DPP6: variants seen among roughly 807,000 people sequenced by gnomAD.
DPP6 encodes the protein dipeptidyl peptidase like 6, also known as A-type potassium channel modulatory protein DPP6.
Under a neutral mutation model 122.6 loss-of-function variants are expected in DPP6, and 69 were observed. The observed-to-expected ratio is 0.56, with a 90% CI of 0.46 to 0.69. DPP6 has a LOEUF of 0.69. Among genes scored for constraint, DPP6 ranks in the 30% least tolerant of loss-of-function variants. The pLI, the probability that DPP6 is intolerant of heterozygous loss-of-function variation, is 0.00. For missense variants in DPP6, 928 were observed against 1,116.9 expected, an observed-to-expected ratio of 0.83 and a Z score of 2.41; for synonymous variants, 418 against 433.1, an observed-to-expected ratio of 0.97 and a Z score of 0.43.
intron 1 of DPP6, chr7:154,059,172 TA>T (rs1325521242): frequency 2.1e-5 from 3 of 146,332 alleles, no homozygotes; most frequent in African/African-American, 7.9e-5. Flanking sequence ...CCCTGGCTGT[TA>T]ATACCCCCAT....
intron 5 of DPP6, among the ~76,000 whole-genome samples, chr7:154,579,453 G>A (rs1831900669): frequency 6.6e-6 from 1 of 152,246 alleles, no homozygotes; most frequent in Admixed American, 6.5e-5. Context: ...TAGGTATCTA[G>A]CTCTGATTAA....
intron 1 of DPP6, among the ~76,000 whole-genome samples, chr7:154,319,812 G>A (rs571865965): frequency 1.1e-4 from 17 of 151,416 alleles, no homozygotes; most frequent in African/African-American, 3.6e-4. Context: ...CCAACATGGC[G>A]AAACCCTGTC....
chr7:153,889,939 G>C (rs942321305), intron 1 of DPP6, among the ~76,000 whole-genome samples: 2 of 152,192 alleles, frequency 1.3e-5, no homozygotes, highest in African/African-American at 4.8e-5. Context: ...GGAAATCCAC[G>C]TGGCTTCAGT....
intron 3 of DPP6, among the ~76,000 whole-genome samples, chr7:154,479,557 CAAA>C (rs35103324): frequency 8.8e-5 from 8 of 91,236 alleles, no homozygotes; most frequent in African/African-American, 2.7e-4. Context: ...GACTCCATCT[CAAA>C]AAAAAAAAAA....
chr7:154,382,614 C>T (rs989405656), intron 1 of DPP6, among the ~76,000 whole-genome samples: 5 of 152,260 alleles, frequency 3.3e-5, no homozygotes, highest in Non-Finnish European at 7.3e-5. Flanking sequence ...CAGCGCTCTT[C>T]ATGTGTTTTT....
At chr7:154,007,029 A>G (rs1462863940) in intron 1 of DPP6, among the ~76,000 whole-genome samples, 1 of 152,224 alleles carries the variant, frequency 6.6e-6, no homozygotes, top group African/African-American at 2.4e-5. Flanking sequence ...GGCTGTGTAC[A>G]GAGCCTGGTC....
intron 1 of DPP6, among the ~76,000 whole-genome samples, chr7:154,179,233 C>G (rs1797958318): frequency 6.6e-6 from 1 of 152,160 alleles, no homozygotes; most frequent in African/African-American, 2.4e-5. Context: ...CATTCAAATT[C>G]TAGTTGCTCT....
intron 1 of DPP6, among the ~76,000 whole-genome samples, chr7:153,959,439 G>T (rs2129027407): frequency 6.6e-6 from 1 of 152,330 alleles, no homozygotes; most frequent in East Asian, 1.9e-4. Context: ...TTCTTGAGAT[G>T]ATAAAGGAGA....
the DPP6 span, among the ~76,000 whole-genome samples, chr7:153,853,847 TA>T: frequency 6.6e-6 from 1 of 151,780 alleles, no homozygotes; most frequent in Non-Finnish European, 1.5e-5. Context: ...CTCTTTAGTT[TA>T]ATTAGATCCC....
intron 7 of DPP6, among the ~76,000 whole-genome samples, chr7:154,684,245 T>C (rs1486948671): frequency 1.3e-5 from 2 of 151,920 alleles, no homozygotes; most frequent in Non-Finnish European, 2.9e-5. Flanking sequence ...CCCTCTGCTC[T>C]GTCCCCTGCC....
At chr7:154,717,316 C>A (rs6952242) in intron 7 of DPP6, among the ~76,000 whole-genome samples, 3,683 of 152,066 alleles carry the variant, frequency 0.024, 176 homozygotes, top group African/African-American at 0.084. Flanking sequence ...ATGGAATACT[C>A]GGACTTATTC....
the DPP6 span, among the ~76,000 whole-genome samples, chr7:153,841,259 T>C: frequency 6.6e-6 from 1 of 152,204 alleles, no homozygotes; most frequent in Non-Finnish European, 1.5e-5. Flanking sequence ...CAAAGATGCA[T>C]TGTCGTTTTG....
At chr7:154,459,886 T>G (rs1395356696) in intron 2 of DPP6, among the ~76,000 whole-genome samples, 1 of 151,304 alleles carries the variant, frequency 6.6e-6, no homozygotes, top group Admixed American at 6.6e-5. Flanking sequence ...TATAATTATT[T>G]TCTCATACTG....
chr7:154,013,215 C>T (rs759991343), intron 1 of DPP6, among the ~76,000 whole-genome samples: 1 of 152,184 alleles, frequency 6.6e-6, no homozygotes, highest in African/African-American at 2.4e-5. Flanking sequence ...AAAACACTTG[C>T]TTTATATATT....
intron 1 of DPP6, among the ~76,000 whole-genome samples, chr7:154,150,485 T>C (rs1796356855): frequency 6.6e-6 from 1 of 152,192 alleles, no homozygotes; most frequent in Non-Finnish European, 1.5e-5. Flanking sequence ...TTGTTTGCTG[T>C]GTGAGATTGC....
chr7:154,827,937 G>A (rs1800307724), intron 16 of DPP6, among the ~76,000 whole-genome samples: 1 of 152,180 alleles, frequency 6.6e-6, no homozygotes, highest in East Asian at 1.9e-4. Context: ...TCCCTGTTGG[G>A]GATGGAAGTC....
chr7:154,575,444 G>GTA (rs1831559810), intron 5 of DPP6, among the ~76,000 whole-genome samples: 1 of 117,680 alleles, frequency 8.5e-6, no homozygotes, highest in African/African-American at 3.5e-5. Context: ...TGTGTGTGGT[G>GTA]TGTGTATGTG....
rs1806747150 is a variant in DPP6, at chr7:154,892,912, C to G, written c.*432C>G. The stretch of plus-strand genomic sequence containing the variant: ...TCACACCCTGTCTCACGTCGCAGTG[C>G]CATGGACGCAGCAGTTACAGCACCA... On this transcript the variant is annotated 3_prime_UTR_variant, in exon 26 of 26. Transcript: ENST00000377770. 1.9e-6 allele frequency: 1 copy of G among 524,000 alleles called. No homozygotes were observed. The highest frequency in any genetic ancestry group is 3.8e-6 in the Non-Finnish European group (1 of 263,490). 32.5% of individuals were successfully genotyped at this position (524,000 alleles called of 1,614,324 possible).
At chr7:154,550,940 C>T (rs1308553550) in intron 4 of DPP6, among the ~76,000 whole-genome samples, 1 of 151,822 alleles carries the variant, frequency 6.6e-6, no homozygotes, top group Non-Finnish European at 1.5e-5. Context: ...TTAGTAGAGA[C>T]AGGGTTTCAC....
Sources: allele counts gnomAD v4.1 joint callset (sites outside exome capture counted in the v4.1 genomes callset), GRCh38; gene constraint gnomAD v4.1.1; transcripts MANE v1.5; gene names NCBI Gene and HGNC (gene_info 2026-07-23, HGNC 2026-07-21).